Variants in FLI1 observed in about 807,000 individuals in gnomAD.
FLI1 encodes the protein Fli-1 proto-oncogene, ETS transcription factor.
Under a neutral mutation model 53.1 loss-of-function variants are expected in FLI1, and 13 were observed. The ratio of observed to expected loss-of-function variants is 0.24; its 90% CI spans 0.16 to 0.39. The LOEUF is 0.39. Ranked by LOEUF, FLI1 falls within the 10% of genes least tolerant of loss-of-function variation. The pLI is 1.00. For missense variants in FLI1, 424 were observed against 600.5 expected (o/e 0.71, Z 3.07); for synonymous variants, 244 against 236.7 (o/e 1.03, Z -0.28).
Position 128,810,773 on chromosome 11 carries a change from C to T in FLI1, c.1144C>T (p.Pro382Ser), listed in dbSNP as rs1355183747. 6.2e-7 allele frequency: 1 copy of T among 1,614,048 alleles called. No homozygotes were observed. The highest frequency in any genetic ancestry group is 8.5e-7 in the Non-Finnish European group (1 of 1,179,900). Residue 382 changes from proline to serine, a missense_variant, in exon 9 of 9, where the codon CCT becomes TCT. Around this residue, in one of 5 missense-constraint regions of FLI1, gnomAD observed 87 missense variants for 100.0 expected, o/e 0.87. Coordinates refer to ENST00000527786, the MANE Select transcript of FLI1 (RefSeq NM_002017.5). This position sits in a 1 kb window ranked among gnomAD's most constrained non-coding sequence, Gnocchi z 6.6. ...HPTESSMYKY[P>S]SDISYMPSYH... ...GACCGAGTCGTCCATGTACAAGTAC[C>T]CTTCTGACATCTCCTACATGCCTTC...
chr11:128,763,559 G>GC, intron 2 of FLI1, among the ~76,000 whole-genome samples: 1 of 152,240 alleles, frequency 6.6e-6, no homozygotes, highest in Non-Finnish European at 1.5e-5. Context: ...AGAGTTCAGA[G>GC]CTAACCTTCC....
intron 1 of FLI1, among the ~76,000 whole-genome samples, chr11:128,720,330 C>T (rs932219450): frequency 6.6e-6 from 1 of 152,128 alleles, no homozygotes; most frequent in Non-Finnish European, 1.5e-5. Context: ...TTAGTTATGC[C>T]CAGCTTCTGG....
At chr11:128,804,174 C>A (rs1209701838) in intron 5 of FLI1, 2 of 152,190 alleles carry the variant, frequency 1.3e-5, no homozygotes, top group Non-Finnish European at 2.9e-5. Flanking sequence ...TGAGGCCAGG[C>A]AATCAGAGTC....
At chr11:128,783,844 C>G (rs1044202727) in intron 5 of FLI1, among the ~76,000 whole-genome samples, 1 of 151,480 alleles carries the variant, frequency 6.6e-6, no homozygotes, top group East Asian at 1.9e-4. Flanking sequence ...GTTCTACATA[C>G]TGAGTTTTAT....
intron 5 of FLI1, among the ~76,000 whole-genome samples, chr11:128,799,250 A>G (rs554191340): frequency 1.3e-5 from 2 of 152,116 alleles, no homozygotes; most frequent in South Asian, 2.1e-4. Flanking sequence ...TCACTGTTCC[A>G]GGAGCACAGG....
intron 1 of FLI1, among the ~76,000 whole-genome samples, chr11:128,694,484 C>T (rs1332072175): frequency 1.8e-5 from 1 of 54,376 alleles, no homozygotes; most frequent in Non-Finnish European, 3.5e-5. Context: ...GGCGACCCTC[C>T]CCCGAAATCC....
intron 1 of FLI1, among the ~76,000 whole-genome samples, chr11:128,726,143 C>T (rs1180027562): frequency 6.6e-6 from 1 of 152,190 alleles, no homozygotes; most frequent in East Asian, 1.9e-4. Flanking sequence ...TCCATCCACT[C>T]AGAAGCTTCT....
Position 128,803,241 on chromosome 11 carries a change from C to T in FLI1, c.656-2125C>T, listed in dbSNP as rs548267387. Among the ~76,000 whole-genome samples the T allele has an allele frequency of 9.2e-5, 14 of 152,170 alleles. No homozygotes were observed. The South Asian group carries it at 2.9e-3, about 32-fold the overall frequency. ...GCCCTCAGATCCACCCCACATACCA[C>T]AAGCTCATTCTTCACCACACCCTGT... On this transcript the variant is annotated intron_variant, in intron 5 of 8. Transcript: ENST00000527786.
At chr11:128,781,142 A>G (rs1001329809) in intron 4 of FLI1, among the ~76,000 whole-genome samples, 4 of 152,238 alleles carry the variant, frequency 2.6e-5, no homozygotes, top group Admixed American at 2.6e-4. Flanking sequence ...GATTACAGAA[A>G]ATTCAACGCG....
chr11:128,689,317 C>T (rs929889581), upstream of FLI1, among the ~76,000 whole-genome samples: 1 of 152,238 alleles, frequency 6.6e-6, no homozygotes, highest in Admixed American at 6.5e-5. Context: ...TTTCTCCTAG[C>T]GCGCAGAGCA....
At chr11:128,789,558 A>G (rs896743675) in intron 5 of FLI1, among the ~76,000 whole-genome samples, 1 of 152,208 alleles carries the variant, frequency 6.6e-6, no homozygotes, top group South Asian at 2.1e-4. Flanking sequence ...GCCTCAAGAT[A>G]TCTTTGCCTT....
At chr11:128,782,793 G>T (rs182791529) in intron 5 of FLI1, among the ~76,000 whole-genome samples, 1 of 152,088 alleles carries the variant, frequency 6.6e-6, no homozygotes, top group Non-Finnish European at 1.5e-5. Context: ...AAACTTCCTC[G>T]GCAAATGATT....
chr11:128,718,074 C>T lies in FLI1; in HGVS notation c.18+23798C>T, dbSNP rs1193017616. On this transcript the variant is annotated intron_variant, in intron 1 of 8. Transcript: ENST00000527786. Reference sequence around the variant, plus strand: ...ATAATGGCATCCCCAGAAAACTCTACACTTGGAATGGGACCCAAATTAAAT... The same window carrying T: ...ATAATGGCATCCCCAGAAAACTCTATACTTGGAATGGGACCCAAATTAAAT... 3.3e-5 allele frequency among the ~76,000 whole-genome samples: 5 copies of T among 152,222 alleles called. No homozygotes were observed. The East Asian group carries it at 9.6e-4, about 29-fold the overall frequency.
chr11:128,786,531 T>C (rs1942087783), intron 5 of FLI1, among the ~76,000 whole-genome samples: 1 of 152,202 alleles, frequency 6.6e-6, no homozygotes, highest in African/African-American at 2.4e-5. Flanking sequence ...ATACTGGGGT[T>C]GCAGAAGTTA....
chr11:128,742,066 C>T (rs1001643363), intron 1 of FLI1, among the ~76,000 whole-genome samples: 6 of 152,208 alleles, frequency 3.9e-5, no homozygotes, highest in African/African-American at 1.4e-4. Flanking sequence ...CCTTTCCTGT[C>T]GTCACTTCCC....
At chr11:128,777,472 C>G (rs951360246) in intron 4 of FLI1, among the ~76,000 whole-genome samples, 1 of 152,162 alleles carries the variant, frequency 6.6e-6, no homozygotes, top group African/African-American at 2.4e-5. Flanking sequence ...ATGGAAAACA[C>G]ATTTTGCATT....
intron 1 of FLI1, among the ~76,000 whole-genome samples, chr11:128,730,572 A>G (rs1028383658): frequency 6.6e-6 from 1 of 152,190 alleles, no homozygotes; most frequent in Admixed American, 6.5e-5. Flanking sequence ...TTTCTTTTTG[A>G]AGGCTTCCCT....
chr11:128,769,592 G>A (rs1486919222), intron 3 of FLI1, among the ~76,000 whole-genome samples: 5 of 152,122 alleles, frequency 3.3e-5, no homozygotes, highest in Non-Finnish European at 5.9e-5. Context: ...ATTCAAGAAG[G>A]TGTGAGCAAG....
At chr11:128,784,268 C>CCTCCTCCTCCTCCTCCTGCTGCTGCTG (rs1331908622) in intron 5 of FLI1, among the ~76,000 whole-genome samples, 1 of 130,228 alleles carries the variant, frequency 7.7e-6, no homozygotes, top group Non-Finnish European at 1.6e-5. Context: ...TCCTCCTCCT[C>CCTCCTCCTCCTCCTCCTGCTGCTGCTG]CTGCTGTCTT....
Sources: gnomAD v4.1 joint callset for allele counts (sites outside exome capture counted in the v4.1 genomes callset) on GRCh38, gnomAD v4.1.1 for gene constraint, gnomAD v4.1.1 regional missense constraint, Gnocchi (gnomAD v3.1) non-coding constraint, MANE v1.5 for transcripts, NCBI Gene and HGNC (gene_info 2026-07-23, HGNC 2026-07-21) for gene names.